The following KDM7A variants were observed in gnomAD, a reference collection of about 807,000 sequenced individuals.
The protein encoded by KDM7A is lysine-specific demethylase 7A.
In KDM7A, 28 loss-of-function variants were observed where a neutral mutation model predicts 114.8. The ratio of observed to expected loss-of-function variants is 0.24; its 90% CI spans 0.18 to 0.33. The LOEUF (loss-of-function observed/expected upper bound fraction) is 0.33, where lower values mean the gene tolerates loss of function less well. Ranked by LOEUF, KDM7A falls within the 10% of genes least tolerant of loss-of-function variation. The pLI is 1.00. For missense variants in KDM7A, 942 were observed against 1,142.5 expected (o/e 0.82, Z 2.53); for synonymous variants, 423 against 397.8 (o/e 1.06, Z -0.75).
intron 11 of KDM7A, among the ~76,000 whole-genome samples, chr7:140,107,470 G>T (rs553840538): frequency 2.6e-5 from 4 of 152,030 alleles, no homozygotes; most frequent in African/African-American, 9.7e-5. Context: ...AGGCCTGGTG[G>T]TGACAAAATC....
chr7:140,134,504 T>C (rs1300261762), intron 2 of KDM7A, among the ~76,000 whole-genome samples: 1 of 151,808 alleles, frequency 6.6e-6, no homozygotes, highest in Non-Finnish European at 1.5e-5. Context: ...TCCAGCAGAG[T>C]GGCACTACCT....
At chr7:140,143,383 T>A (rs570279184) in intron 1 of KDM7A, among the ~76,000 whole-genome samples, 1 of 152,024 alleles carries the variant, frequency 6.6e-6, no homozygotes, top group South Asian at 2.1e-4. Context: ...TGTCCTGGGG[T>A]TCTAGACAAT....
chr7:140,169,927 T>C (rs905340005), intron 1 of KDM7A, among the ~76,000 whole-genome samples: 14 of 152,320 alleles, frequency 9.2e-5, no homozygotes, highest in African/African-American at 2.9e-4. Context: ...AACAGCAAAA[T>C]TGTGTATAAA....
intron 3 of KDM7A, among the ~76,000 whole-genome samples, chr7:140,132,587 T>C (rs958037915): frequency 2.0e-5 from 3 of 152,196 alleles, no homozygotes; most frequent in Admixed American, 1.3e-4. Context: ...CGCAAACATT[T>C]ATCCTACAAC....
chr7:140,137,705 A>C (rs1481345263), intron 2 of KDM7A, among the ~76,000 whole-genome samples: 1 of 152,234 alleles, frequency 6.6e-6, no homozygotes, highest in East Asian at 1.9e-4. Flanking sequence ...TTAAAAGGAA[A>C]TATTTTAATG....
intron 1 of KDM7A, among the ~76,000 whole-genome samples, chr7:140,148,175 G>T (rs1794360360): frequency 6.7e-6 from 1 of 150,138 alleles, no homozygotes; most frequent in Non-Finnish European, 1.5e-5. Flanking sequence ...CTTCAATAAG[G>T]TCTCTTCAGA....
intron 1 of KDM7A, among the ~76,000 whole-genome samples, chr7:140,174,390 T>G (rs1794678736): frequency 6.6e-6 from 1 of 152,104 alleles, no homozygotes; most frequent in South Asian, 2.1e-4. Context: ...AGGGCATATT[T>G]GTTTTGGCCT....
At chr7:140,157,517 G>GA (rs1402681246) in intron 1 of KDM7A, among the ~76,000 whole-genome samples, 2 of 152,174 alleles carry the variant, frequency 1.3e-5, no homozygotes, top group African/African-American at 4.8e-5. Context: ...AGCTGGGTGT[G>GA]TTGGTGCATG....
chr7:140,174,968 G>GA (rs34222210), intron 1 of KDM7A, among the ~76,000 whole-genome samples: 33,084 of 151,718 alleles, frequency 0.22, 4,340 homozygotes, highest in Middle Eastern at 0.29. Context: ...ATAGTTCTTT[G>GA]AAAAAAAATA....
At chr7:140,100,175 C>T (rs770375273) in intron 12 of KDM7A, 152 bp from the exon 13 acceptor site, 3 of 675,610 alleles carry the variant, frequency 4.4e-6, no homozygotes, top group Non-Finnish European at 7.6e-6. Context: ...CAGTATGGCA[C>T]TCCAGAGTTC....
Position 140,176,210 on chromosome 7 carries a change from AG to A in KDM7A, c.194+533del, listed in dbSNP as rs1375020492. Reference sequence around the variant, plus strand: ...CCAGGAAGTTTGATAAAGACGGGGAAGGGGGCGCGACAGGGACCCGCGGCGC... The same window carrying A: ...CCAGGAAGTTTGATAAAGACGGGGAAGGGGCGCGACAGGGACCCGCGGCGC... On this transcript the variant is annotated intron_variant, in intron 1 of 19. Transcript: ENST00000397560. This position sits in a 1 kb window ranked among gnomAD's most constrained non-coding sequence, Gnocchi z 4.4. 1.3e-5 allele frequency among the ~76,000 whole-genome samples: 2 copies of A among 151,278 alleles called. No individual in the cohort carries two copies. The highest frequency in any genetic ancestry group is 6.6e-5 in the Admixed American group (1 of 15,246).
chr7:140,124,014 G>C (rs1017085705), intron 7 of KDM7A, among the ~76,000 whole-genome samples: 1 of 150,928 alleles, frequency 6.6e-6, no homozygotes, highest in East Asian at 1.9e-4. Flanking sequence ...AGCTTGCAGT[G>C]AGCCGACATC....
chr7:140,147,703 C>T (rs536274600), intron 1 of KDM7A, among the ~76,000 whole-genome samples: 1 of 152,260 alleles, frequency 6.6e-6, no homozygotes, highest in East Asian at 1.9e-4. Flanking sequence ...TGACAGCTTG[C>T]TCTGCATGTT....
chr7:140,099,715 G>A (rs1418728708), intron 13 of KDM7A, among the ~76,000 whole-genome samples, 184 bp downstream of exon 13: 1 of 152,162 alleles, frequency 6.6e-6, no homozygotes, highest in African/African-American at 2.4e-5. Flanking sequence ...CTCCTTATGA[G>A]AATCTAATGC....
rs953514658 is a variant in KDM7A, at chr7:140,156,339, C to T, written c.195-17149G>A. 1.1e-4 allele frequency among the ~76,000 whole-genome samples: 17 copies of T among 152,224 alleles called. 1 individual carries two copies. The highest frequency in any genetic ancestry group is 9.8e-4 in the Admixed American group (15 of 15,286). On this transcript the variant is annotated intron_variant, in intron 1 of 19. Transcript: ENST00000397560. ...TTACACAGGCGTTAATACACAAACA[C>T]GATTATCATGTGAAAAATCTGTTAT...
In KDM7A at chr7:140,176,188, G is replaced by A. The variant is rs1013716438; in HGVS notation, c.194+556C>T. Among the ~76,000 whole-genome samples, 2 of 151,964 alleles carry A rather than the reference G, an allele frequency of 1.3e-5. No individual in the cohort carries two copies. Among genetic ancestry groups the A allele is most frequent in the African/African-American group, 4.8e-5 (2 of 41,426 alleles). On this transcript the variant is annotated intron_variant, in intron 1 of 19. Transcript: ENST00000397560. This position sits in a 1 kb window ranked among gnomAD's most constrained non-coding sequence, Gnocchi z 4.4. The stretch of plus-strand genomic sequence containing the variant: ...CCGCTGCCCCCGTCCCACTGGCCCA[G>A]GAAGTTTGATAAAGACGGGGAAGGG...
At chr7:140,153,402 C>T (rs1008928229) in intron 1 of KDM7A, among the ~76,000 whole-genome samples, 2 of 151,458 alleles carry the variant, frequency 1.3e-5, no homozygotes, top group East Asian at 4.0e-4. Flanking sequence ...AGGAGAATGG[C>T]GTGAACCCAG....
At chr7:140,129,347 AGTTTTC>A in intron 4 of KDM7A, 140 bp downstream of exon 4, 1 of 652,678 alleles carries the variant, frequency 1.5e-6, no homozygotes, top group African/African-American at 1.9e-5. Context: ...GAGAAAAACT[AGTTTTC>A]AATATAGATG....
intron 1 of KDM7A, among the ~76,000 whole-genome samples, chr7:140,156,878 G>A (rs1328298681): frequency 6.6e-6 from 1 of 152,154 alleles, no homozygotes; most frequent in African/African-American, 2.4e-5. Context: ...ATATGTACAA[G>A]CCTAGTCTCG....
Sources: gnomAD v4.1 joint callset for allele counts (sites outside exome capture counted in the v4.1 genomes callset) on GRCh38, gnomAD v4.1.1 for gene constraint, Gnocchi (gnomAD v3.1) non-coding constraint, MANE v1.5 for transcripts, NCBI Gene and HGNC (gene_info 2026-07-23, HGNC 2026-07-21) for gene names.